The following RPS6KC1 variants were observed in gnomAD, a reference collection of about 807,000 sequenced individuals.
RPS6KC1 encodes inactive ribosomal protein S6 kinase delta-1.
In RPS6KC1, 54 loss-of-function variants were observed where a neutral mutation model predicts 103.8. The observed-to-expected ratio is 0.52, with a 90% confidence interval of 0.42 to 0.65. RPS6KC1 has a LOEUF of 0.65. Ranked by LOEUF, RPS6KC1 falls within the 30% of genes least tolerant of loss-of-function variation. The probability of loss-of-function intolerance (pLI) is 0.00; values close to 1 mark genes in which losing one functional copy is unlikely to be tolerated. For synonymous variants in RPS6KC1, 439 were observed against 438.7 expected (o/e 1.00, Z -0.01); for missense variants, 1,151 against 1,253.8 (o/e 0.92, Z 1.24).
At chr1:213,749,036 A>T in the RPS6KC1 span, among the ~76,000 whole-genome samples, 1 of 152,248 alleles carries the variant, frequency 6.6e-6, no homozygotes, top group Non-Finnish European at 1.5e-5. Flanking sequence ...CTAGAAAAAT[A>T]AAAATGTTAC....
chr1:213,125,473 T>C (rs1025572822), intron 5 of RPS6KC1, among the ~76,000 whole-genome samples: 6 of 151,990 alleles, frequency 3.9e-5, no homozygotes, highest in Non-Finnish European at 8.8e-5. Context: ...TGATAGGTTT[T>C]GGTATAAATT....
the RPS6KC1 span, among the ~76,000 whole-genome samples, chr1:213,767,460 C>G: frequency 7.9e-5 from 12 of 152,132 alleles, no homozygotes; most frequent in African/African-American, 2.7e-4. Flanking sequence ...CAAATCCTAC[C>G]AAGCCTGCAA....
In RPS6KC1 at chr1:213,051,519, G is replaced by C. The variant is rs1048996401; in HGVS notation, c.105+10G>C. 1 of 1,590,068 alleles carries C rather than the reference G, an allele frequency of 6.3e-7. No homozygotes were observed. The highest frequency in any genetic ancestry group is 8.6e-7 in the Non-Finnish European group (1 of 1,161,610). On this transcript the variant is annotated intron_variant, in intron 1 of 14. Transcript: ENST00000366960. Reference sequence around the variant, plus strand: ...TAAGGTCACCGCCCGGGTGAGTGCCGGTGTCGGGCTGGGGTAGAGCTTGGA... The same window carrying C: ...TAAGGTCACCGCCCGGGTGAGTGCCCGTGTCGGGCTGGGGTAGAGCTTGGA...
chr1:213,086,819 A>T (rs1297028273), intron 3 of RPS6KC1, among the ~76,000 whole-genome samples: 1 of 152,128 alleles, frequency 6.6e-6, no homozygotes, highest in Non-Finnish European at 1.5e-5. Context: ...GCAAACCTGC[A>T]TATATATATG....
intron 8 of RPS6KC1, 32 bp downstream of exon 8, chr1:213,176,524 T>C: frequency 7.2e-7 from 1 of 1,398,572 alleles, no homozygotes. Context: ...AAGAGTTCAG[T>C]CATAAATCGA....
the RPS6KC1 span, among the ~76,000 whole-genome samples, chr1:213,408,258 A>C: frequency 6.6e-6 from 1 of 152,204 alleles, no homozygotes. Context: ...GCTCTTGTGT[A>C]GCTTACCATG....
At chr1:213,611,775 C>T in the RPS6KC1 span, among the ~76,000 whole-genome samples, 133 of 152,242 alleles carry the variant, frequency 8.7e-4, no homozygotes, top group East Asian at 0.016. Context: ...GAATACACTG[C>T]GAAAGCCAAG....
chr1:213,269,009 A>G (rs1488818635), intron 14 of RPS6KC1, among the ~76,000 whole-genome samples: 1 of 152,228 alleles, frequency 6.6e-6, no homozygotes, highest in East Asian at 1.9e-4. Context: ...GTGTCAATAA[A>G]GTGAATATCT....
chr1:213,361,500 G>C, the RPS6KC1 span, among the ~76,000 whole-genome samples: 10 of 152,234 alleles, frequency 6.6e-5, no homozygotes, highest in African/African-American at 2.2e-4. Flanking sequence ...ACCCCTTGCA[G>C]TTCCCAGGTG....
At chr1:213,619,088 T>A in the RPS6KC1 span, among the ~76,000 whole-genome samples, 3 of 152,182 alleles carry the variant, frequency 2.0e-5, no homozygotes, top group African/African-American at 7.2e-5. Context: ...TGTATTATCT[T>A]CCATAGAAAG....
At chr1:213,344,163 C>T in the RPS6KC1 span, among the ~76,000 whole-genome samples, 1 of 152,004 alleles carries the variant, frequency 6.6e-6, no homozygotes, top group African/African-American at 2.4e-5. Context: ...AACCCAATTG[C>T]TAGAGAGCAT....
At chr1:213,453,899 T>C in the RPS6KC1 span, among the ~76,000 whole-genome samples, 9 of 152,188 alleles carry the variant, frequency 5.9e-5, no homozygotes, top group Non-Finnish European at 1.3e-4. Context: ...AAAAAATACA[T>C]TGGAAAATTT....
intron 6 of RPS6KC1, among the ~76,000 whole-genome samples, chr1:213,136,464 CA>C (rs139275005): frequency 6.9e-5 from 10 of 145,888 alleles, no homozygotes; most frequent in Non-Finnish European, 7.6e-5. Context: ...TAGGCAGAAA[CA>C]AAAAAAAAAC....
At chr1:213,668,213 A>T in the RPS6KC1 span, among the ~76,000 whole-genome samples, 14 of 151,866 alleles carry the variant, frequency 9.2e-5, no homozygotes, top group East Asian at 1.3e-3. Context: ...TATGACAGCT[A>T]AAGCCTTACA....
At chr1:213,549,612 C>CTTTTTTTT in the RPS6KC1 span, among the ~76,000 whole-genome samples, 107 of 86,908 alleles carry the variant, frequency 1.2e-3, no homozygotes, top group African/African-American at 2.6e-3. Context: ...TTTTCTTTTC[C>CTTTTTTTT]TTTTTTTTTT....
the RPS6KC1 span, among the ~76,000 whole-genome samples, chr1:213,668,444 G>A: frequency 7.8e-5 from 10 of 128,026 alleles, no homozygotes; most frequent in South Asian, 1.5e-3. Flanking sequence ...TTAATAGTGT[G>A]CTTAAAATAT....
the RPS6KC1 span, among the ~76,000 whole-genome samples, chr1:213,805,397 A>G: frequency 1.3e-5 from 2 of 149,658 alleles, no homozygotes; most frequent in Non-Finnish European, 2.9e-5. Flanking sequence ...TTTATGTAAC[A>G]TTCTAATCCT....
chr1:213,228,090 T>G (rs1208715974), intron 8 of RPS6KC1, among the ~76,000 whole-genome samples: 2 of 151,986 alleles, frequency 1.3e-5, no homozygotes, highest in Non-Finnish European at 2.9e-5. Context: ...AATCGAAGGG[T>G]TAGAGATTCT....
chr1:213,766,938 C>G, the RPS6KC1 span, among the ~76,000 whole-genome samples: 1 of 152,218 alleles, frequency 6.6e-6, no homozygotes, highest in East Asian at 1.9e-4. Context: ...AACCAGAACC[C>G]CGGTTTTTAT....
Sources: gnomAD v4.1 joint callset for allele counts (sites outside exome capture counted in the v4.1 genomes callset) on GRCh38, gnomAD v4.1.1 for gene constraint, MANE v1.5 for transcripts, NCBI Gene and HGNC (gene_info 2026-07-23, HGNC 2026-07-21) for gene names.